The following PTPN9 variants were observed in gnomAD, a reference collection of about 807,000 sequenced individuals.
The protein encoded by PTPN9 is tyrosine-protein phosphatase non-receptor type 9.
In PTPN9, 26 loss-of-function variants were observed where a neutral mutation model predicts 69.8. The ratio of observed to expected loss-of-function variants is 0.37; its 90% confidence interval spans 0.27 to 0.52. The LOEUF (loss-of-function observed/expected upper bound fraction) is 0.52. Among genes scored for constraint, PTPN9 ranks in the 20% least tolerant of loss-of-function variants. The probability of loss-of-function intolerance (pLI) is 0.91; values close to 1 mark genes in which losing one functional copy is unlikely to be tolerated. For synonymous variants in PTPN9, 274 were observed against 272.5 expected (o/e 1.01, Z -0.05); for missense variants, 549 against 740.3 (o/e 0.74, Z 3.00).
chr15:75,551,861 A>G (rs1418443533), intron 1 of PTPN9, among the ~76,000 whole-genome samples: 1 of 150,606 alleles, frequency 6.6e-6, no homozygotes, highest in Non-Finnish European at 1.5e-5. Flanking sequence ...AACATGGTGA[A>G]ACCCCGTCTC....
chr15:75,469,669 A>G, intron 12 of PTPN9, 123 bp downstream of exon 12: 7 of 1,071,214 alleles, frequency 6.5e-6, no homozygotes, highest in South Asian at 1.4e-5. Context: ...TTTTCACAGC[A>G]ATTCACCACC....
chr15:75,481,830 TG>T lies in PTPN9; in HGVS notation c.1063-1917del, dbSNP rs199681689. On this transcript the variant is annotated intron_variant, in intron 8 of 12. Coordinates refer to ENST00000618819, the MANE Select transcript of PTPN9 (RefSeq NM_002833.4). ...CCAGCCGCCCCGTCCGGGAGGGAGG[TG>T]GGGGGGGGTCAGCGCCCCTGCCTGG... Among the ~76,000 whole-genome samples the T allele has an allele frequency of 3.8e-3, 363 of 94,950 alleles. 10 individuals are homozygous for T. The highest frequency in any genetic ancestry group is 0.013 in the African/African-American group (326 of 24,902). 62.3% of individuals were successfully genotyped at this position (94,950 alleles called of 152,430 possible).
intron 1 of PTPN9, among the ~76,000 whole-genome samples, chr15:75,576,046 A>G (rs2075171559): frequency 6.6e-6 from 1 of 150,476 alleles, no homozygotes; most frequent in Non-Finnish European, 1.5e-5. Context: ...ATCCTCCAAC[A>G]TGGTGAAACC....
chr15:75,539,052 T>C (rs569100194), intron 1 of PTPN9, among the ~76,000 whole-genome samples: 1 of 151,836 alleles, frequency 6.6e-6, no homozygotes, highest in Non-Finnish European at 1.5e-5. Context: ...GAAAATGAAC[T>C]GGGAAACAGC....
intron 8 of PTPN9, among the ~76,000 whole-genome samples, chr15:75,482,390 C>T (rs1440778311): frequency 6.6e-6 from 1 of 152,014 alleles, no homozygotes; most frequent in East Asian, 1.9e-4. Flanking sequence ...ACGGTGAAAC[C>T]CCGTCTCTAC....
intron 7 of PTPN9, among the ~76,000 whole-genome samples, chr15:75,503,048 C>T (rs958344108): frequency 1.2e-4 from 18 of 149,314 alleles, no homozygotes; most frequent in East Asian, 6.1e-4. Flanking sequence ...AGCCTCTGCC[C>T]GGCCACCACC....
chr15:75,503,444 C>A (rs1372909208), intron 7 of PTPN9, among the ~76,000 whole-genome samples: 1 of 144,320 alleles, frequency 6.9e-6, no homozygotes, highest in South Asian at 2.2e-4. Flanking sequence ...GCCCGGCAGC[C>A]GCCCCGTCTG....
rs2074526654 is a variant in PTPN9, at chr15:75,463,968, G to T, written c.*4801C>A. ...AGGACCCTTGGTCTGTTCATGCTTT[G>T]CCTCTGAGAAACCCTGTAGACCCCA... On this transcript the variant is annotated 3_prime_UTR_variant, in exon 13 of 13. Coordinates refer to ENST00000618819, the MANE Select transcript of PTPN9 (RefSeq NM_002833.4). 1 of 152,140 alleles carries T rather than the reference G, an allele frequency of 6.6e-6. No homozygotes were observed. Among genetic ancestry groups the T allele is most frequent in the South Asian group, 2.1e-4 (1 of 4,830 alleles). The allele number at this position is 152,140 out of a possible 1,614,324, so 9.4% of individuals were successfully genotyped here. A position where few individuals can be genotyped will look rare whatever the true frequency, so the allele number is the denominator to read the frequency against.
At chr15:75,482,567 A>G (rs1438747924) in intron 8 of PTPN9, among the ~76,000 whole-genome samples, 6 of 109,794 alleles carry the variant, frequency 5.5e-5, no homozygotes, top group Non-Finnish European at 1.1e-4. Context: ...TCCGTCTCAA[A>G]AAAAAAAAAA....
chr15:75,545,261 A>T (rs1233297677), intron 1 of PTPN9, among the ~76,000 whole-genome samples: 1 of 152,086 alleles, frequency 6.6e-6, no homozygotes, highest in East Asian at 1.9e-4. Context: ...GATTATGGGA[A>T]CTTAAAATTT....
intron 8 of PTPN9, among the ~76,000 whole-genome samples, 158 bp downstream of exon 8, chr15:75,490,050 C>T (rs1281449161): frequency 1.3e-5 from 2 of 152,198 alleles, no homozygotes; most frequent in Non-Finnish European, 2.9e-5. Context: ...GAGGACTTGC[C>T]TATGGTCACA....
At chr15:75,577,473 G>C (rs1036043643) in intron 1 of PTPN9, among the ~76,000 whole-genome samples, 3 of 152,184 alleles carry the variant, frequency 2.0e-5, no homozygotes, top group African/African-American at 7.2e-5. Flanking sequence ...ACCACTGCTT[G>C]TACAAAGCAG....
intron 7 of PTPN9, among the ~76,000 whole-genome samples, chr15:75,493,179 C>A: frequency 6.6e-6 from 1 of 150,760 alleles, no homozygotes. Context: ...AATAAACAAA[C>A]AAAAAAACCC....
chr15:75,504,363 C>A (rs1412292609), intron 7 of PTPN9, among the ~76,000 whole-genome samples: 16 of 121,026 alleles, frequency 1.3e-4, no homozygotes, highest in African/African-American at 1.6e-4. Flanking sequence ...GGGCCAGCCA[C>A]CCCGTCCGGG....
At position 75,479,909 on chromosome 15, in the gene PTPN9, A is replaced by T; in HGVS notation, c.1068T>A (p.Asp356Glu). The change falls in exon 9 of 13, where the codon GAT becomes GAA. Residue 356 changes from aspartate (D) to glutamate (E), a missense_variant. By Grantham distance (45) the Asp-to-Glu change is conservative. Coordinates refer to ENST00000618819, the MANE Select transcript of PTPN9 (RefSeq NM_002833.4). The stretch of plus-strand genomic sequence containing the variant: ...CATCCATGAAACTGGCATTGATGTA[A>T]TCTGTCTAATGATAAAAAGGAGACA... ...LTKRSGHTQT[D>E]YINASFMDGY... 1.2e-6 allele frequency: 2 copies of T among 1,604,692 alleles called. No individual in the cohort carries two copies. The highest frequency in any genetic ancestry group is 1.7e-6 in the Non-Finnish European group (2 of 1,173,492).
rs536581429 is a variant in PTPN9, at chr15:75,527,728, C to T, written c.64-467G>A. Among the ~76,000 whole-genome samples, 96 of 151,872 alleles carry T rather than the reference C, an allele frequency of 6.3e-4. 1 individual carries two copies. The highest frequency in any genetic ancestry group is 1.6e-3 in the Admixed American group (25 of 15,230). ...AAAACTAGCCGGATGTGGTGGCGCA[C>T]GCCTGTAATGTCAGCTACTTGGGAG... On this transcript the variant is annotated intron_variant, in intron 1 of 12. Transcript: ENST00000618819.
intron 5 of PTPN9, 96 bp downstream of exon 5, chr15:75,517,163 A>C (rs1197940873): frequency 7.2e-6 from 6 of 831,566 alleles, no homozygotes; most frequent in African/African-American, 3.5e-5. Context: ...TAATGTCTGA[A>C]GTTTGCATCT....
intron 5 of PTPN9, chr15:75,513,343 C>G (rs773614334): frequency 6.6e-6 from 3 of 455,928 alleles, no homozygotes; most frequent in South Asian, 4.6e-5. Flanking sequence ...TATCACACTT[C>G]AGTGAAGAGG....
intron 1 of PTPN9, among the ~76,000 whole-genome samples, chr15:75,559,755 C>G (rs1228519873): frequency 1.0e-5 from 1 of 96,336 alleles, no homozygotes; most frequent in African/African-American, 5.1e-5. Context: ...GAGAAACACC[C>G]AAGAATGGTC....
Sources: gnomAD v4.1 joint callset for allele counts (sites outside exome capture counted in the v4.1 genomes callset) on GRCh38, gnomAD v4.1.1 for gene constraint, MANE v1.5 for transcripts, NCBI Gene and HGNC (gene_info 2026-07-23, HGNC 2026-07-21) for gene names.